The following CEP43 variants were observed in gnomAD, a reference collection of about 807,000 sequenced individuals.
CEP43 encodes centrosomal protein 43, also known as FGFR1 oncogene partner.
In CEP43, 36 loss-of-function variants were observed where a neutral mutation model predicts 52.6. The observed-to-expected ratio is 0.68, with a 90% CI of 0.52 to 0.90. The LOEUF is 0.90. CEP43 is among the 40% of genes least tolerant of loss of function. The probability of loss-of-function intolerance (pLI) is 0.00; values close to 1 mark genes in which losing one functional copy is unlikely to be tolerated. For synonymous variants in CEP43, 192 were observed against 172.4 expected (o/e 1.11, Z -0.89); for missense variants, 506 against 472.8 (o/e 1.07, Z -0.65).
At chr6:167,018,313 T>C (rs1780146512) in intron 7 of CEP43, among the ~76,000 whole-genome samples, 1 of 152,192 alleles carries the variant, frequency 6.6e-6, no homozygotes. Context: ...CATATTTCAT[T>C]TGTGGGATAC....
Position 167,046,985 on chromosome 6 carries a change from A to G in CEP43, c.*7007A>G, listed in dbSNP as rs953399486. ...CTGGGGAGCCCAATCTGTGACCCCT[A>G]GGAGTGGGGACCATGGAAGCACTTG... On this transcript the variant is annotated 3_prime_UTR_variant, in exon 13 of 13. Coordinates refer to ENST00000366847, the MANE Select transcript of CEP43 (RefSeq NM_007045.4). The G allele has an allele frequency of 6.6e-5, 10 of 152,352 alleles. No individual in the cohort carries two copies. Among genetic ancestry groups the G allele is most frequent in the African/African-American group, 2.4e-4 (10 of 41,578 alleles). 9.4% of individuals were successfully genotyped at this position (152,352 alleles called of 1,614,324 possible).
chr6:167,036,874 C>T, intron 12 of CEP43: 1 of 572,680 alleles, frequency 1.7e-6, no homozygotes, highest in Non-Finnish European at 2.2e-6. Flanking sequence ...ATGGCTGGAT[C>T]TTGGCTCATT....
At chr6:167,013,616 C>G in intron 7 of CEP43, 49 bp downstream of exon 7, 3 of 1,509,904 alleles carry the variant, frequency 2.0e-6, no homozygotes, top group Non-Finnish European at 2.8e-6. Flanking sequence ...GGCATCAGGT[C>G]TCGACTCTGG....
At chr6:167,037,752 A>T (rs1008730027) in intron 12 of CEP43, among the ~76,000 whole-genome samples, 1 of 152,258 alleles carries the variant, frequency 6.6e-6, no homozygotes, top group South Asian at 2.1e-4. Context: ...TTGCATCTCT[A>T]CAAGATGTTC....
At chr6:167,018,831 G>A (rs538961499) in intron 7 of CEP43, among the ~76,000 whole-genome samples, 8 of 152,206 alleles carry the variant, frequency 5.3e-5, no homozygotes, top group East Asian at 3.9e-4. Context: ...ACATAAGTTC[G>A]TCTTAACTCA....
Position 167,001,042 on chromosome 6 carries a change from T to G in CEP43, c.156+929T>G, listed in dbSNP as rs550025447. Among the ~76,000 whole-genome samples, 685 of 152,330 alleles carry G rather than the reference T, an allele frequency of 4.5e-3. 6 individuals carry two copies. The highest frequency in any genetic ancestry group is 0.015 in the African/African-American group (628 of 41,576). On this transcript the variant is annotated intron_variant, in intron 2 of 12. Coordinates refer to ENST00000366847, the MANE Select transcript of CEP43 (RefSeq NM_007045.4). Reference sequence around the variant, plus strand: ...TCTTCACCCTAGCTGTGCAGTAGCCTTCTATGTCACCCCTGCTTCCTTCTC... The same window carrying G: ...TCTTCACCCTAGCTGTGCAGTAGCCGTCTATGTCACCCCTGCTTCCTTCTC...
chr6:167,032,620 G>T lies in CEP43; in HGVS notation c.1006G>T (p.Asp336Tyr). The T allele has an allele frequency of 1.3e-6, 2 of 1,580,180 alleles. No individual in the cohort carries two copies. Among genetic ancestry groups the T allele is most frequent in the South Asian group, 2.3e-5 (2 of 85,402 alleles). The part of the protein sequence containing the change: ...SLGLGTGEDD[D>Y]YVDDFNSTSH... ...CTTATCAGGAACTGGAGAAGATGAT[G>T]ACTATGTTGATGATTTTAATAGGTA... Residue 336 changes from aspartate to tyrosine, a missense_variant, in exon 11 of 13, where the codon GAC (aspartate) becomes TAC (tyrosine). Transcript: ENST00000366847.
At position 167,051,056 on chromosome 6, in the gene CEP43, GTAC is replaced by G. The variant is rs887352515; in HGVS notation, c.*11081_*11083del. On this transcript the variant is annotated 3_prime_UTR_variant, in exon 13 of 13. Transcript: ENST00000366847. ...TACTAAGAAACTAAATGTTTCTTGTGTACTAAGTCAGCTTCTGGGTGGGGGCCA... is the reference window on the plus strand; with the variant it reads ...TACTAAGAAACTAAATGTTTCTTGTGTAAGTCAGCTTCTGGGTGGGGGCCA... The G allele has an allele frequency of 1.3e-5, 2 of 152,100 alleles. No homozygotes were observed. Among genetic ancestry groups the G allele is most frequent in the Non-Finnish European group, 2.9e-5 (2 of 68,008 alleles). The allele number at this position is 152,100 out of a possible 1,614,324, so 9.4% of individuals were successfully genotyped here.
chr6:167,039,638 C>G (rs1043455580), intron 12 of CEP43, among the ~76,000 whole-genome samples: 1 of 152,182 alleles, frequency 6.6e-6, no homozygotes, highest in Non-Finnish European at 1.5e-5. Context: ...ATTGGTGGAT[C>G]AAACAGTAGT....
rs1283533601 is a variant in CEP43 at position 167,040,950 on chromosome 6, A to G, written c.*972A>G. The G allele has an allele frequency of 2.0e-6, 2 of 1,024,572 alleles. No homozygotes were observed. The highest frequency in any genetic ancestry group is 1.7e-5 in the African/African-American group (1 of 59,030). 63.5% of individuals were successfully genotyped at this position (1,024,572 alleles called of 1,614,324 possible). ...TTTCCACAGTCTCATTTATACGGTT[A>G]AAGCATTATTGCTATTATGTAGGTC... On this transcript the variant is annotated 3_prime_UTR_variant, in exon 13 of 13. Coordinates refer to ENST00000366847, the MANE Select transcript of CEP43 (RefSeq NM_007045.4).
At chr6:167,028,802 A>G (rs1369072536) in intron 10 of CEP43, among the ~76,000 whole-genome samples, 1 of 152,228 alleles carries the variant, frequency 6.6e-6, no homozygotes, top group East Asian at 1.9e-4. Context: ...TACTGCCTGT[A>G]TGTTATTTAG....
At position 167,024,874 on chromosome 6, in the gene CEP43, C is replaced by G; in HGVS notation, c.899C>G (p.Pro300Arg). ...GGACTCAGCTCCCTGGCGGGAGCCCCTTCTTTAAAAGACTCTGAGAGTAAG... is the reference window on the plus strand; with the variant it reads ...GGACTCAGCTCCCTGGCGGGAGCCCGTTCTTTAAAAGACTCTGAGAGTAAG... ...KSGLSSLAGA[P>R]SLKDSESKRG... Residue 300 changes from proline (P) to arginine (R), a missense_variant, in exon 9 of 13, where the codon CCT (proline) becomes CGT (arginine). Coordinates refer to ENST00000366847, the MANE Select transcript of CEP43 (RefSeq NM_007045.4). The G allele has an allele frequency of 6.2e-7, 1 of 1,606,192 alleles. No homozygotes were observed.
Position 167,041,909 on chromosome 6 carries a change from C to T in CEP43, c.*1931C>T, listed in dbSNP as rs866942769. The T allele has an allele frequency of 3.2e-5, 21 of 660,428 alleles. No homozygotes were observed. The East Asian group carries it at 1.1e-3, about 35-fold the overall frequency. 40.9% of individuals were successfully genotyped at this position (660,428 alleles called of 1,614,324 possible). ...TGCGATCTCGGCTCACTGCAACCTC[C>T]GCCTCCTGGGTTCAAGCGATTCTCC... On this transcript the variant is annotated 3_prime_UTR_variant, in exon 13 of 13. Coordinates refer to ENST00000366847, the MANE Select transcript of CEP43 (RefSeq NM_007045.4).
At chr6:167,013,646 C>T (rs928629240) in intron 7 of CEP43, 79 bp downstream of exon 7, 10 of 1,156,130 alleles carry the variant, frequency 8.6e-6, no homozygotes, top group Non-Finnish European at 1.3e-5. Flanking sequence ...GAGCGCTGGG[C>T]TCCTGTCAGA....
At position 166,999,472 on chromosome 6, in the gene CEP43, G is replaced by T. The variant is rs756184329; in HGVS notation, c.60G>T (p.Leu20=). The T allele has an allele frequency of 3.7e-5, 55 of 1,484,362 alleles. No homozygotes were observed. In the African/African-American group the frequency reaches 7.6e-4, roughly 21 times the overall value. The allele number at this position is 1,484,362 out of a possible 1,614,324, so 91.9% of individuals were successfully genotyped here. The stretch of plus-strand genomic sequence containing the variant: ...AGGACACGGAGCTGCGGGACCTGCT[G>T]GTGCAGACGCTGGAGAACAGCGGGG... ...AEEDTELRDL[L]VQTLENSGVL... Residue 20 remains leucine (L), a synonymous_variant, in exon 1 of 13, where the codon CTG becomes CTT. Coordinates refer to ENST00000366847, the MANE Select transcript of CEP43 (RefSeq NM_007045.4).
chr6:167,041,247 T>A lies in CEP43; in HGVS notation c.*1269T>A. 1 of 1,048,172 alleles carries A rather than the reference T, an allele frequency of 9.5e-7. No homozygotes were observed. The highest frequency in any genetic ancestry group is 1.2e-6 in the Non-Finnish European group (1 of 868,648). 64.9% of individuals were successfully genotyped at this position (1,048,172 alleles called of 1,614,324 possible). On this transcript the variant is annotated 3_prime_UTR_variant, in exon 13 of 13. Coordinates refer to ENST00000366847, the MANE Select transcript of CEP43 (RefSeq NM_007045.4). ...ATATTAGCCTAAATATTACAGAAAT[T>A]ACTCCTTGGGCTCTAAAATGTAGAG...
chr6:167,001,968 C>G (rs150129123), intron 2 of CEP43, among the ~76,000 whole-genome samples: 296 of 152,272 alleles, frequency 1.9e-3, no homozygotes, highest in African/African-American at 6.6e-3. Flanking sequence ...TTAGAATTCC[C>G]TGAACCAGCC....
rs184739779 is a variant in CEP43 at position 167,025,978 on chromosome 6, A to G, written c.920-569A>G. Among the ~76,000 whole-genome samples, 417 of 152,364 alleles carry G rather than the reference A, an allele frequency of 2.7e-3. 3 individuals carry two copies. Among genetic ancestry groups the G allele is most frequent in the African/African-American group, 9.6e-3 (401 of 41,584 alleles). ...ATTAACAGTCTATGAATTCATACCT[A>G]ACAGGGCTGTTTATGGAAAGTGATG... On this transcript the variant is annotated intron_variant, in intron 9 of 12. Transcript: ENST00000366847.
chr6:167,042,349 A>C lies in CEP43; in HGVS notation c.*2371A>C. ...TATGTTTTACAGTGGAGTTTTAAAA[A>C]TGCTAGGTCTTTCTTTCATTTTATT... On this transcript the variant is annotated 3_prime_UTR_variant, in exon 13 of 13. Coordinates refer to ENST00000366847, the MANE Select transcript of CEP43 (RefSeq NM_007045.4). 1 of 978,566 alleles carries C rather than the reference A, an allele frequency of 1.0e-6. No homozygotes were observed. The highest frequency in any genetic ancestry group is 1.7e-5 in the African/African-American group (1 of 57,402). The allele number at this position is 978,566 out of a possible 1,614,324, so 60.6% of individuals were successfully genotyped here.
Sources: gnomAD v4.1 joint callset for allele counts (sites outside exome capture counted in the v4.1 genomes callset) on GRCh38, gnomAD v4.1.1 for gene constraint, MANE v1.5 for transcripts, NCBI Gene and HGNC (gene_info 2026-07-23, HGNC 2026-07-21) for gene names.